NEK6: variants seen among roughly 807,000 people sequenced by gnomAD.
NEK6 encodes serine/threonine-protein kinase Nek6.
NEK6 carries 27 observed loss-of-function variants against 43.5 expected under a neutral mutation model. The observed-to-expected ratio is 0.62, with a 90% CI of 0.46 to 0.86. The LOEUF is 0.86. Among genes scored for constraint, NEK6 ranks in the 40% least tolerant of loss-of-function variants. NEK6 has a pLI of 0.00. For missense variants in NEK6, 318 were observed against 414.4 expected (o/e 0.77, Z 2.02); for synonymous variants, 167 against 164.1 (o/e 1.02, Z -0.14).
intron 5 of NEK6, 94 bp downstream of exon 5, chr9:124,321,663 CT>C: frequency 2.3e-6 from 2 of 861,192 alleles, no homozygotes; most frequent in Non-Finnish European, 1.9e-6. Flanking sequence ...AATGCTCTGC[CT>C]TTAGCCAGAG....
At chr9:124,329,452 T>C (rs1479886689) in intron 7 of NEK6, among the ~76,000 whole-genome samples, 1 of 152,214 alleles carries the variant, frequency 6.6e-6, no homozygotes, top group East Asian at 1.9e-4. Context: ...TTTATTGACT[T>C]GGACTGGTGC....
chr9:124,333,903 A>C (rs911580231), intron 7 of NEK6, among the ~76,000 whole-genome samples: 2 of 149,092 alleles, frequency 1.3e-5, no homozygotes, highest in African/African-American at 5.0e-5. Flanking sequence ...TTGCCCTCCC[A>C]AGTAGCTGGG....
At chr9:124,257,807 C>T, upstream of NEK6, 1 of 1,381,786 alleles carries the variant, frequency 7.2e-7, no homozygotes, top group South Asian at 1.4e-5. Context: ...TCGGCGGAGT[C>T]GAGGGGTCCA....
chr9:124,293,466 C>G (rs1832524172), intron 1 of NEK6, among the ~76,000 whole-genome samples: 1 of 152,186 alleles, frequency 6.6e-6, no homozygotes, highest in Non-Finnish European at 1.5e-5. Flanking sequence ...AACTGAGAGA[C>G]AAGATGTTTA....
intron 1 of NEK6, among the ~76,000 whole-genome samples, chr9:124,300,932 C>T (rs1438811575): frequency 1.3e-5 from 2 of 152,016 alleles, no homozygotes; most frequent in Non-Finnish European, 2.9e-5. Context: ...ACATCCAGGG[C>T]TTGTCTGGGA....
intron 1 of NEK6, among the ~76,000 whole-genome samples, chr9:124,277,728 G>T (rs1487829931): frequency 1.3e-5 from 2 of 152,108 alleles, no homozygotes; most frequent in African/African-American, 4.8e-5. Context: ...AAGTTGTTTT[G>T]CTTCCTGGGG....
Position 124,318,152 on chromosome 9 carries a change from G to A in NEK6, c.295-3307G>A, listed in dbSNP as rs190628105. On this transcript the variant is annotated intron_variant, in intron 4 of 9. Coordinates refer to ENST00000320246, the MANE Select transcript of NEK6 (RefSeq NM_014397.6). ...TTACATTCCTACCAAAAGCATAGAA[G>A]TGTTCCCTTTTCTTCGCAGCCTCAC... is the stretch of plus-strand genomic sequence containing the variant. Among the ~76,000 whole-genome samples the A allele has an allele frequency of 4.2e-3, 635 of 152,306 alleles. 6 individuals carry two copies. Among genetic ancestry groups the A allele is most frequent in the Non-Finnish European group, 6.6e-3 (451 of 68,020 alleles).
chr9:124,286,831 G>A (rs1431029584), intron 1 of NEK6, among the ~76,000 whole-genome samples: 1 of 152,224 alleles, frequency 6.6e-6, no homozygotes, highest in Non-Finnish European at 1.5e-5. Context: ...CTGCTGACAT[G>A]AGTAGGGACT....
At chr9:124,328,526 C>T (rs1307639213) in intron 7 of NEK6, among the ~76,000 whole-genome samples, 1 of 152,172 alleles carries the variant, frequency 6.6e-6, no homozygotes. Context: ...AGCTGCCCGC[C>T]GCCTCCTTGA....
At chr9:124,284,641 A>G (rs755699373) in intron 1 of NEK6, among the ~76,000 whole-genome samples, 5 of 152,368 alleles carry the variant, frequency 3.3e-5, no homozygotes, top group African/African-American at 7.2e-5. Context: ...TTCTGACTGC[A>G]GCTGGGCCCT....
At chr9:124,295,978 C>G (rs1465700616) in intron 1 of NEK6, among the ~76,000 whole-genome samples, 1 of 152,322 alleles carries the variant, frequency 6.6e-6, no homozygotes, top group African/African-American at 2.4e-5. Flanking sequence ...TGGGAGATGC[C>G]GTTTCACCCG....
At position 124,275,753 on chromosome 9, in the gene NEK6, T is replaced by C. The variant is rs1163051901; in HGVS notation, c.-30+17668T>C. ...CCAGTGCTCAGCCCAGGGCCTGGCC[T>C]GGCAAAGGCCTCGGTGACGGTAATG... On this transcript the variant is annotated intron_variant, in intron 1 of 9. Coordinates refer to ENST00000320246, the MANE Select transcript of NEK6 (RefSeq NM_014397.6). This position sits in a 1 kb window ranked among gnomAD's most constrained non-coding sequence, Gnocchi z 4.4. Among the ~76,000 whole-genome samples the C allele has an allele frequency of 6.6e-6, 1 of 152,238 alleles. No homozygotes were observed. Among genetic ancestry groups the C allele is most frequent in the Non-Finnish European group, 1.5e-5 (1 of 68,038 alleles).
chr9:124,346,876 G>C (rs929401793), intron 8 of NEK6, among the ~76,000 whole-genome samples: 6 of 152,216 alleles, frequency 3.9e-5, no homozygotes, highest in Non-Finnish European at 1.5e-5. Context: ...GGTGCCGCAG[G>C]CCTCACCTCA....
At chr9:124,337,246 G>T (rs1361874082) in intron 7 of NEK6, among the ~76,000 whole-genome samples, 1 of 152,168 alleles carries the variant, frequency 6.6e-6, no homozygotes, top group East Asian at 1.9e-4. Flanking sequence ...CCCTACAGGT[G>T]CTGGGAGGTC....
chr9:124,342,460 C>T (rs997829505), intron 8 of NEK6, among the ~76,000 whole-genome samples: 3 of 152,238 alleles, frequency 2.0e-5, no homozygotes, highest in African/African-American at 7.2e-5. Flanking sequence ...CCTCAGGTGT[C>T]CCATATGTAG....
At chr9:124,281,002 G>T (rs930557873) in intron 1 of NEK6, among the ~76,000 whole-genome samples, 4 of 152,048 alleles carry the variant, frequency 2.6e-5, no homozygotes, top group African/African-American at 9.7e-5. Flanking sequence ...TGTTGGCCAG[G>T]CTGGTCTCGA....
intron 2 of NEK6, among the ~76,000 whole-genome samples, chr9:124,304,703 T>C (rs1363592369): frequency 1.3e-5 from 2 of 152,240 alleles, no homozygotes; most frequent in Non-Finnish European, 1.5e-5. Flanking sequence ...ACTGTGGTTT[T>C]TGTTAACCTG....
intron 7 of NEK6, among the ~76,000 whole-genome samples, chr9:124,330,378 G>A (rs895628169): frequency 1.8e-4 from 28 of 152,322 alleles, no homozygotes; most frequent in African/African-American, 6.7e-4. Context: ...CAAGTGTCTC[G>A]CTCCGAGCAA....
At position 124,275,425 on chromosome 9, in the gene NEK6, G is replaced by T. The variant is rs1409140227; in HGVS notation, c.-30+17340G>T. ...GAGCCCAGAACCCATGGGTAACGGG[G>T]TCAGCATTCAGAAGTGTCAGCTCCA... On this transcript the variant is annotated intron_variant, in intron 1 of 9. Coordinates refer to ENST00000320246, the MANE Select transcript of NEK6 (RefSeq NM_014397.6). The surrounding 1 kb of genome is among the most constrained non-coding windows in gnomAD (Gnocchi z 4.4). Among the ~76,000 whole-genome samples the T allele has an allele frequency of 2.0e-5, 3 of 152,200 alleles. No homozygotes were observed. The highest frequency in any genetic ancestry group is 1.5e-5 in the Non-Finnish European group (1 of 68,036).
Sources: allele counts gnomAD v4.1 joint callset (sites outside exome capture counted in the v4.1 genomes callset), GRCh38; gene constraint gnomAD v4.1.1; non-coding constraint Gnocchi (gnomAD v3.1); transcripts MANE v1.5; gene names NCBI Gene and HGNC (gene_info 2026-07-23, HGNC 2026-07-21).